KDM4C: variants seen among roughly 807,000 people sequenced by gnomAD.
The protein encoded by KDM4C is lysine demethylase 4C.
Under a neutral mutation model 129.3 loss-of-function variants are expected in KDM4C, and 81 were observed. That is an observed-to-expected ratio of 0.63 (90% CI 0.52 to 0.75). The LOEUF is 0.75. Ranked by LOEUF, KDM4C falls within the 30% of genes least tolerant of loss-of-function variation. KDM4C has a pLI of 0.00. For missense variants in KDM4C, 1,457 were observed against 1,304.0 expected, an observed-to-expected ratio of 1.12 and a Z score of -1.81; for synonymous variants, 573 against 456.1, an observed-to-expected ratio of 1.26 and a Z score of -3.26.
chr9:7,170,918 TA>T (rs59497112), intron 21 of KDM4C: 8,566 of 116,908 alleles, frequency 0.073, 591 homozygotes, highest in East Asian at 0.41. Flanking sequence ...GATGAGCTAC[TA>T]AAAAAAAAAA....
chr9:7,027,845 C>T (rs1287167090), intron 15 of KDM4C, among the ~76,000 whole-genome samples: 1 of 152,202 alleles, frequency 6.6e-6, no homozygotes, highest in East Asian at 1.9e-4. Context: ...TTTCTACTGG[C>T]AGAGGAGCCT....
intron 19 of KDM4C, among the ~76,000 whole-genome samples, chr9:7,163,510 T>C (rs567498743): frequency 1.5e-3 from 228 of 152,264 alleles, no homozygotes; most frequent in African/African-American, 5.3e-3. Flanking sequence ...TCCCTCCACA[T>C]GGGAGACATC....
chr9:7,113,981 C>G (rs1472973547), intron 18 of KDM4C, among the ~76,000 whole-genome samples: 1 of 152,116 alleles, frequency 6.6e-6, no homozygotes, highest in African/African-American at 2.4e-5. Flanking sequence ...GAGAGACTTA[C>G]CCATATCTTA....
At chr9:7,141,737 C>T (rs1841761408) in intron 19 of KDM4C, among the ~76,000 whole-genome samples, 1 of 151,612 alleles carries the variant, frequency 6.6e-6, no homozygotes, top group Non-Finnish European at 1.5e-5. Context: ...GAGCAGTTAC[C>T]ATAATTTAGG....
upstream of KDM4C, among the ~76,000 whole-genome samples, chr9:6,756,984 CT>C (rs1563932960): frequency 6.6e-6 from 1 of 152,158 alleles, no homozygotes; most frequent in East Asian, 1.9e-4. Flanking sequence ...TCTTTCTTAG[CT>C]AAGACGTTAG....
intron 12 of KDM4C, among the ~76,000 whole-genome samples, chr9:6,997,411 A>G (rs1819964471): frequency 6.6e-6 from 1 of 152,250 alleles, no homozygotes; most frequent in Admixed American, 6.5e-5. Context: ...CAAAAACAAG[A>G]GAGCTTGCTT....
intron 8 of KDM4C, among the ~76,000 whole-genome samples, chr9:6,941,035 CTT>C (rs34567518): frequency 9.9e-4 from 143 of 145,106 alleles, no homozygotes; most frequent in South Asian, 7.6e-3. Flanking sequence ...GCATCTCTTC[CTT>C]TTTTTTTTTT....
intron 5 of KDM4C, among the ~76,000 whole-genome samples, chr9:6,875,587 C>G (rs1190276801): frequency 6.6e-6 from 1 of 152,200 alleles, no homozygotes; most frequent in Non-Finnish European, 1.5e-5. Context: ...TAGAGTTCAT[C>G]TCTAGTGGCG....
intron 9 of KDM4C, among the ~76,000 whole-genome samples, 185 bp downstream of exon 9, chr9:6,981,303 A>T (rs147913795): frequency 6.6e-6 from 1 of 152,234 alleles, no homozygotes; most frequent in Non-Finnish European, 1.5e-5. Context: ...GAAGAGATGT[A>T]TATTTATTTT....
rs865814735 is a variant in KDM4C, at chr9:7,102,207, T to G, written c.2425-1478T>G. Among the ~76,000 whole-genome samples, 3 of 151,898 alleles carry G rather than the reference T, an allele frequency of 2.0e-5. No homozygotes were observed. In the South Asian group the frequency reaches 6.2e-4, roughly 32 times the overall value. On this transcript the variant is annotated intron_variant, in intron 17 of 21. Coordinates refer to ENST00000381309, the MANE Select transcript of KDM4C (RefSeq NM_015061.6). ...AATCTAGATGTATAAGGAAATCACA[T>G]AAGTACCTAATGTATAGGGTCCTTA...
chr9:7,041,754 C>A (rs535008769), intron 15 of KDM4C, among the ~76,000 whole-genome samples: 77 of 152,100 alleles, frequency 5.1e-4, no homozygotes, highest in African/African-American at 1.5e-3. Context: ...ACTCAGGTTT[C>A]AGGTGTTTTG....
intron 5 of KDM4C, among the ~76,000 whole-genome samples, chr9:6,867,727 A>G (rs552160667): frequency 6.6e-6 from 1 of 152,318 alleles, no homozygotes; most frequent in African/African-American, 2.4e-5. Flanking sequence ...TGTGTCAGGT[A>G]TTGAGCTAGG....
chr9:6,745,840 G>A (rs1048816467), intron 1 of KDM4C, among the ~76,000 whole-genome samples: 4 of 150,632 alleles, frequency 2.7e-5, no homozygotes, highest in African/African-American at 7.3e-5. Flanking sequence ...GTGGAGTTTC[G>A]CTATTGTTGC....
chr9:6,745,342 T>A (rs1270588460), intron 1 of KDM4C, among the ~76,000 whole-genome samples: 1 of 152,082 alleles, frequency 6.6e-6, no homozygotes, highest in Non-Finnish European at 1.5e-5. Flanking sequence ...CTCGCACCTA[T>A]AATCCCAGCA....
chr9:6,837,214 T>C (rs1279891861), intron 4 of KDM4C, among the ~76,000 whole-genome samples: 2 of 152,104 alleles, frequency 1.3e-5, no homozygotes, highest in Non-Finnish European at 2.9e-5. Flanking sequence ...TGCACCATCA[T>C]ACCCAACTAA....
intron 2 of KDM4C, among the ~76,000 whole-genome samples, chr9:6,802,415 C>T (rs1378933201): frequency 6.6e-6 from 1 of 152,138 alleles, no homozygotes; most frequent in Non-Finnish European, 1.5e-5. Flanking sequence ...TCTGTGTATG[C>T]ATGGATGTTT....
intron 1 of KDM4C, among the ~76,000 whole-genome samples, chr9:6,774,309 T>G (rs1291549081): frequency 1.3e-5 from 2 of 152,168 alleles, no homozygotes; most frequent in Non-Finnish European, 2.9e-5. Context: ...TATACAAACA[T>G]ATGGAACTGT....
At chr9:6,905,851 T>G (rs1230444993) in intron 8 of KDM4C, among the ~76,000 whole-genome samples, 1 of 152,192 alleles carries the variant, frequency 6.6e-6, no homozygotes, top group Admixed American at 6.5e-5. Context: ...GCACAGATTC[T>G]CCTTCAATTC....
intron 8 of KDM4C, 102 bp from the exon 9 acceptor site, chr9:6,980,823 T>C: frequency 5.2e-6 from 5 of 953,546 alleles, no homozygotes; most frequent in Non-Finnish European, 8.2e-6. Context: ...TCCTCCATTA[T>C]GTAGTGACTA....
Sources: gnomAD v4.1 joint callset for allele counts (sites outside exome capture counted in the v4.1 genomes callset) on GRCh38, gnomAD v4.1.1 for gene constraint, MANE v1.5 for transcripts, NCBI Gene and HGNC (gene_info 2026-07-23, HGNC 2026-07-21) for gene names.